CDH18: variants seen among roughly 807,000 people sequenced by gnomAD.
CDH18 encodes the protein cadherin 18.
Under a neutral mutation model 67.9 loss-of-function variants are expected in CDH18, and 31 were observed. That is an observed-to-expected ratio of 0.46 (90% CI 0.34 to 0.62). CDH18 has a LOEUF of 0.62. Among genes scored for constraint, CDH18 ranks in the 20% least tolerant of loss-of-function variants. CDH18 has a pLI of 0.01. For synonymous variants in CDH18, 362 were observed against 347.2 expected, an observed-to-expected ratio of 1.04 and a Z score of -0.48; for missense variants, 890 against 975.5, an observed-to-expected ratio of 0.91 and a Z score of 1.17.
chr5:20,231,791 A>C (rs1742098333), intron 2 of CDH18, among the ~76,000 whole-genome samples: 2 of 152,112 alleles, frequency 1.3e-5, no homozygotes, highest in South Asian at 4.1e-4. Context: ...ACTGATAATA[A>C]ATAAAATCAC....
intron 4 of CDH18, among the ~76,000 whole-genome samples, chr5:19,742,941 T>G (rs1360256231): frequency 1.3e-5 from 2 of 152,232 alleles, no homozygotes; most frequent in Non-Finnish European, 2.9e-5. Context: ...CATTTTTAAG[T>G]GTTAGTGTTA....
intron 1 of CDH18, among the ~76,000 whole-genome samples, chr5:20,297,303 C>T (rs1193438459): frequency 6.6e-6 from 1 of 152,230 alleles, no homozygotes. Flanking sequence ...TAGCCTTCCT[C>T]ACTTAAGAAA....
chr5:20,112,728 T>C (rs916830420), intron 2 of CDH18, among the ~76,000 whole-genome samples: 1 of 152,092 alleles, frequency 6.6e-6, no homozygotes, highest in South Asian at 2.1e-4. Context: ...ATAAAAAAAA[T>C]AAAATAAAAT....
chr5:19,865,753 T>C (rs1785414702), intron 2 of CDH18, among the ~76,000 whole-genome samples: 1 of 152,188 alleles, frequency 6.6e-6, no homozygotes, highest in African/African-American at 2.4e-5. Flanking sequence ...GGCGGTTCCC[T>C]CCAATCCTCT....
At chr5:19,544,068 G>A in intron 8 of CDH18, 63 bp from the exon 9 acceptor site, 1 of 797,294 alleles carries the variant, frequency 1.3e-6, no homozygotes, top group Non-Finnish European at 1.9e-6. Context: ...CTGAACCAAG[G>A]AAAGTATTAT....
intron 1 of CDH18, among the ~76,000 whole-genome samples, chr5:20,460,461 G>A (rs1751184367): frequency 6.6e-6 from 1 of 151,858 alleles, no homozygotes; most frequent in Non-Finnish European, 1.5e-5. Context: ...GCGTGACTGA[G>A]GCATCTTATC....
At chr5:20,188,815 A>C (rs1442511049) in intron 2 of CDH18, among the ~76,000 whole-genome samples, 5 of 140,992 alleles carry the variant, frequency 3.5e-5, no homozygotes, top group Non-Finnish European at 7.8e-5. Context: ...TTATTGTGGC[A>C]AAAAAAAAAA....
intron 2 of CDH18, among the ~76,000 whole-genome samples, chr5:20,222,060 C>T (rs1186480404): frequency 6.6e-6 from 1 of 151,990 alleles, no homozygotes; most frequent in Non-Finnish European, 1.5e-5. Context: ...CCTGGACCAC[C>T]TTGGTTTAGA....
At chr5:19,996,442 G>A (rs896841719) in intron 2 of CDH18, among the ~76,000 whole-genome samples, 1 of 151,738 alleles carries the variant, frequency 6.6e-6, no homozygotes, top group African/African-American at 2.4e-5. Flanking sequence ...ATCTTTCCTG[G>A]GTCTTTGACT....
chr5:19,992,172 A>G (rs1249668915), upstream of CDH18, among the ~76,000 whole-genome samples: 2 of 152,152 alleles, frequency 1.3e-5, no homozygotes, highest in African/African-American at 2.4e-5. Context: ...AATTAGATCC[A>G]TGTGTTCACT....
At chr5:19,711,825 C>G (rs546969907) in intron 5 of CDH18, among the ~76,000 whole-genome samples, 1 of 152,004 alleles carries the variant, frequency 6.6e-6, no homozygotes, top group South Asian at 2.1e-4. Context: ...TACTACTACC[C>G]AAAGAAAATG....
chr5:20,055,189 G>A (rs1453170808), intron 2 of CDH18, among the ~76,000 whole-genome samples: 2 of 152,078 alleles, frequency 1.3e-5, no homozygotes, highest in Non-Finnish European at 2.9e-5. Flanking sequence ...TTAGACTCAT[G>A]TAAGATCTAT....
intron 1 of CDH18, among the ~76,000 whole-genome samples, chr5:20,433,725 T>A (rs921698414): frequency 6.6e-6 from 1 of 151,970 alleles, no homozygotes; most frequent in Non-Finnish European, 1.5e-5. Flanking sequence ...TATTTACAAC[T>A]GATCTTCAAA....
chr5:20,170,958 T>A (rs893915274), intron 2 of CDH18, among the ~76,000 whole-genome samples: 1 of 152,092 alleles, frequency 6.6e-6, no homozygotes, highest in Non-Finnish European at 1.5e-5. Context: ...TCCTGTGATA[T>A]TTAGTTATCT....
intron 7 of CDH18, among the ~76,000 whole-genome samples, chr5:19,583,328 A>G (rs1348006333): frequency 6.6e-6 from 1 of 152,130 alleles, no homozygotes; most frequent in Non-Finnish European, 1.5e-5. Flanking sequence ...GTGAAACCAA[A>G]AAGATAATCC....
chr5:19,537,992 A>T lies in CDH18; in HGVS notation c.1390+5877T>A, dbSNP rs1248975620. 2.0e-5 allele frequency among the ~76,000 whole-genome samples: 3 copies of T among 152,186 alleles called. No individual in the cohort carries two copies. In the East Asian group the frequency reaches 5.8e-4, roughly 29 times the overall value. ...CATAGTCAAATGTCACAAAGAAATG[A>T]CGGAAAGATAAAAGGTAAAAAGTAT... On this transcript the variant is annotated intron_variant, in intron 9 of 12. Transcript: ENST00000382275.
Position 20,562,991 on chromosome 5 carries a change from G to GTT in CDH18, c.-580+12469_-580+12470dup, listed in dbSNP as rs60380534. On this transcript the variant is annotated intron_variant, in intron 1 of 14. Coordinates refer to the CDH18 transcript ENST00000507958. ...TATAGATCATACTTTGAGAAGGTAG[G>GTT]TTTTTTTTTTTTTAGCATGGTGACC... 3.3e-3 allele frequency among the ~76,000 whole-genome samples: 465 copies of GTT among 142,526 alleles called. 1 individual carries two copies. Among genetic ancestry groups the GTT allele is most frequent in the African/African-American group, 0.01 (399 of 39,302 alleles). The allele number at this position is 142,526 out of a possible 152,430, so 93.5% of individuals were successfully genotyped here. A position where few individuals can be genotyped will look rare whatever the true frequency, so the allele number is the denominator to read the frequency against.
At position 19,604,642 on chromosome 5, in the gene CDH18, G is replaced by A. The variant is rs1214906665; in HGVS notation, c.811+7792C>T. 2.0e-5 allele frequency among the ~76,000 whole-genome samples: 3 copies of A among 150,948 alleles called. No individual in the cohort carries two copies. The Admixed American group carries it at 2.0e-4, about 10-fold the overall frequency. ...TGAATATTGATTATTAAGCATTGTG[G>A]TTGGCTCTACGTGCAATGTTTTTTA... On this transcript the variant is annotated intron_variant, in intron 6 of 12. Transcript: ENST00000382275.
chr5:19,755,462 C>CATATATATATATATATATATATAT (rs375579381), intron 3 of CDH18, among the ~76,000 whole-genome samples: 44 of 79,252 alleles, frequency 5.6e-4, no homozygotes, highest in Middle Eastern at 0.011. Flanking sequence ...TATATATACA[C>CATATATATATATATATATATATAT]ACACACACAC....
Sources: allele counts gnomAD v4.1 joint callset (sites outside exome capture counted in the v4.1 genomes callset), GRCh38; gene constraint gnomAD v4.1.1; transcripts MANE v1.5; gene names NCBI Gene and HGNC (gene_info 2026-07-23, HGNC 2026-07-21).